MARCHF1: variants seen among roughly 807,000 people sequenced by gnomAD.
MARCHF1 encodes the protein E3 ubiquitin-protein ligase MARCHF1.
Under a neutral mutation model 54.2 loss-of-function variants are expected in MARCHF1, and 40 were observed. The observed-to-expected ratio is 0.74, with a 90% CI of 0.57 to 0.96. MARCHF1 has a LOEUF of 0.96. Ranked by LOEUF, MARCHF1 falls within the 40% of genes least tolerant of loss-of-function variation. The probability of loss-of-function intolerance (pLI) is 0.00; values close to 1 mark genes in which losing one functional copy is unlikely to be tolerated. For missense variants in MARCHF1, 586 were observed against 656.5 expected (o/e 0.89, Z 1.17); for synonymous variants, 236 against 236.3 (o/e 1.00, Z 0.01).
At chr4:164,220,169 G>A (rs1277682034) in intron 1 of MARCHF1, among the ~76,000 whole-genome samples, 2 of 150,838 alleles carry the variant, frequency 1.3e-5, no homozygotes, top group Non-Finnish European at 3.0e-5. Context: ...TCATATTTGT[G>A]TGAGATTTAC....
In MARCHF1 at chr4:163,604,660, A is replaced by G. The variant is rs536646838; in HGVS notation, c.1010+7611T>C. 3.3e-5 allele frequency among the ~76,000 whole-genome samples: 5 copies of G among 152,194 alleles called. No individual in the cohort carries two copies. The East Asian group carries it at 9.7e-4, about 29-fold the overall frequency. ...GCAGAAACTTTCTTTTTGTTGTTAG[A>G]ACAAAGTCCAAATTCCTAACTATGG... On this transcript the variant is annotated intron_variant, in intron 7 of 9. Coordinates refer to ENST00000514618, the MANE Select transcript of MARCHF1 (RefSeq NM_001394959.1).
rs1007750693 is a variant in MARCHF1 at position 163,634,584 on chromosome 4, A to C, written c.163-21191T>G. On this transcript the variant is annotated intron_variant, in intron 5 of 9. Coordinates refer to ENST00000514618, the MANE Select transcript of MARCHF1 (RefSeq NM_001394959.1). ...TATATGCACCCAATATAGGAGCACC[A>C]AGATTCATAAAGCAAGTCCTGAGTG... 4.5e-3 allele frequency among the ~76,000 whole-genome samples: 689 copies of C among 152,174 alleles called. 3 individuals carry two copies. The highest frequency in any genetic ancestry group is 0.015 in the African/African-American group (642 of 41,476).
intron 1 of MARCHF1, among the ~76,000 whole-genome samples, chr4:164,380,981 GAGGT>G (rs1246945521): frequency 2.6e-5 from 4 of 152,308 alleles, no homozygotes; most frequent in Admixed American, 2.0e-4. Flanking sequence ...CTCTATCATA[GAGGT>G]CCTAAAGTAT....
At chr4:163,632,493 C>T (rs377206897) in intron 5 of MARCHF1, among the ~76,000 whole-genome samples, 1 of 152,260 alleles carries the variant, frequency 6.6e-6, no homozygotes, top group African/African-American at 2.4e-5. Context: ...ATGGACGGCA[C>T]CTGGAAAATC....
chr4:163,632,539 G>C (rs1423159685), intron 5 of MARCHF1, among the ~76,000 whole-genome samples: 1 of 152,136 alleles, frequency 6.6e-6, no homozygotes, highest in African/African-American at 2.4e-5. Context: ...CTTTTCCGAC[G>C]GGCTTAAAAA....
chr4:164,015,792 G>T (rs542849648), intron 2 of MARCHF1, among the ~76,000 whole-genome samples: 1 of 151,296 alleles, frequency 6.6e-6, no homozygotes, highest in Non-Finnish European at 1.5e-5. Flanking sequence ...GCTTATATCC[G>T]AAAGACAAGC....
chr4:163,803,065 T>A (rs959150303), intron 4 of MARCHF1, among the ~76,000 whole-genome samples: 16 of 152,340 alleles, frequency 1.1e-4, no homozygotes, highest in Admixed American at 6.5e-4. Context: ...TGAAATACAC[T>A]GGTTGGAATT....
At chr4:163,581,385 C>T (rs1021923340) in intron 8 of MARCHF1, among the ~76,000 whole-genome samples, 1 of 152,128 alleles carries the variant, frequency 6.6e-6, no homozygotes, top group African/African-American at 2.4e-5. Context: ...TAGCAAATTC[C>T]CCTTAATGGT....
At chr4:163,648,748 T>C (rs79194082) in intron 5 of MARCHF1, among the ~76,000 whole-genome samples, 1,645 of 151,308 alleles carry the variant, frequency 0.011, 15 homozygotes, top group Non-Finnish European at 0.013. Flanking sequence ...ATTACAACTC[T>C]AGTATTAAAT....
At chr4:163,957,337 A>G (rs1579421068) in intron 3 of MARCHF1, among the ~76,000 whole-genome samples, 1 of 152,090 alleles carries the variant, frequency 6.6e-6, no homozygotes, top group Admixed American at 6.6e-5. Context: ...CTTATGGTTA[A>G]GTCCATGCAG....
chr4:163,665,639 C>T (rs1361567164), intron 5 of MARCHF1, among the ~76,000 whole-genome samples: 1 of 152,024 alleles, frequency 6.6e-6, no homozygotes, highest in African/African-American at 2.4e-5. Context: ...GAACTAGTCC[C>T]CTTTATTCAT....
chr4:163,545,527 A>C, intron 9 of MARCHF1, 69 bp downstream of exon 9: 2 of 1,489,824 alleles, frequency 1.3e-6, no homozygotes, highest in Admixed American at 4.3e-5. Flanking sequence ...CTGGGGAAAT[A>C]ACTTCCCTAT....
At chr4:163,996,367 A>C (rs1048385790) in intron 2 of MARCHF1, among the ~76,000 whole-genome samples, 2 of 152,048 alleles carry the variant, frequency 1.3e-5, no homozygotes, top group African/African-American at 4.8e-5. Context: ...TATTACTATA[A>C]AATTATAATT....
rs117704024 is a variant in MARCHF1 at position 163,942,407 on chromosome 4, G to T, written c.-39+46094C>A. 5.9e-5 allele frequency among the ~76,000 whole-genome samples: 9 copies of T among 152,276 alleles called. No individual in the cohort carries two copies. In the South Asian group the frequency reaches 1.5e-3, roughly 25 times the overall value. ...TCAAGTCTTACACCATGATGATAAG[G>T]AGAATTGTTCAATAAGCCCCTTGGA... On this transcript the variant is annotated intron_variant, in intron 3 of 9. Coordinates refer to ENST00000514618, the MANE Select transcript of MARCHF1 (RefSeq NM_001394959.1).
intron 1 of MARCHF1, among the ~76,000 whole-genome samples, chr4:164,243,862 G>A (rs1328436554): frequency 2.0e-5 from 3 of 151,320 alleles, no homozygotes; most frequent in Non-Finnish European, 3.0e-5. Context: ...AGACAAAGAA[G>A]GCCATTACAT....
intron 5 of MARCHF1, among the ~76,000 whole-genome samples, chr4:163,667,845 T>C (rs1743596729): frequency 6.6e-6 from 1 of 152,144 alleles, no homozygotes; most frequent in African/African-American, 2.4e-5. Flanking sequence ...CAAGCTGGTC[T>C]TGAACTCCTG....
chr4:164,292,088 A>G (rs1490071984), intron 1 of MARCHF1, among the ~76,000 whole-genome samples: 2 of 152,062 alleles, frequency 1.3e-5, no homozygotes, highest in Non-Finnish European at 2.9e-5. Context: ...ATGTTCCATT[A>G]TTTTATGTGC....
intron 3 of MARCHF1, among the ~76,000 whole-genome samples, chr4:163,977,514 C>A (rs191183583): frequency 1.6e-4 from 24 of 152,170 alleles, no homozygotes; most frequent in Admixed American, 1.6e-3. Flanking sequence ...AGTTAAGAGG[C>A]TTTTTCTTAG....
intron 1 of MARCHF1, among the ~76,000 whole-genome samples, chr4:164,264,277 G>A (rs1418279660): frequency 6.6e-6 from 1 of 152,126 alleles, no homozygotes. Context: ...ATCAGCGGGA[G>A]CTAAATGATG....
Sources: gnomAD v4.1 joint callset for allele counts (sites outside exome capture counted in the v4.1 genomes callset) on GRCh38, gnomAD v4.1.1 for gene constraint, MANE v1.5 for transcripts, NCBI Gene and HGNC (gene_info 2026-07-23, HGNC 2026-07-21) for gene names.